Variants in PCDHGA5 observed in about 807,000 individuals in gnomAD.
PCDHGA5 encodes protocadherin gamma subfamily A, 5.
Under a neutral mutation model 56.7 loss-of-function variants are expected in PCDHGA5, and 36 were observed. The ratio of observed to expected loss-of-function variants is 0.64; its 90% CI spans 0.49 to 0.84. The LOEUF is 0.84. Ranked by LOEUF, PCDHGA5 falls within the 40% of genes least tolerant of loss-of-function variation. The probability of loss-of-function intolerance (pLI) is 0.00; values close to 1 mark genes in which losing one functional copy is unlikely to be tolerated. For synonymous variants in PCDHGA5, 563 were observed against 520.2 expected, an observed-to-expected ratio of 1.08 and a Z score of -1.12; for missense variants, 1,305 against 1,201.5, an observed-to-expected ratio of 1.09 and a Z score of -1.27.
intron 1 of PCDHGA5, chr5:141,383,196 T>C (rs7704696): frequency 0.066 from 106,221 of 1,613,864 alleles, 4,924 homozygotes; most frequent in African/African-American, 0.24. Context: ...GCGCTCAGAG[T>C]GCGCGGTGTC....
Position 141,477,393 on chromosome 5 carries a change from G to A in PCDHGA5, c.2422-17414G>A, listed in dbSNP as rs1397453429. On this transcript the variant is annotated intron_variant, in intron 1 of 3. Transcript: ENST00000518069. This position sits in a 1 kb window ranked among gnomAD's most constrained non-coding sequence, Gnocchi z 4.9. The stretch of plus-strand genomic sequence containing the variant: ...GAGACTGTGCCAGAATACAACCTCA[G>A]CATCACCGCCCGAGACGCCGGAACC... The A allele has an allele frequency of 5.6e-6, 9 of 1,614,098 alleles. No individual in the cohort carries two copies. Among genetic ancestry groups the A allele is most frequent in the Non-Finnish European group, 7.6e-6 (9 of 1,180,028 alleles).
chr5:141,390,358 G>A lies in PCDHGA5; in HGVS notation c.2421+23607G>A, dbSNP rs934109377. ...TATTCACAAGAAAATATACATATTT[G>A]CAGGAAAATATATAATTTTTAGATG... is the stretch of plus-strand genomic sequence containing the variant. On this transcript the variant is annotated intron_variant, in intron 1 of 3. Coordinates refer to ENST00000518069, the MANE Select transcript of PCDHGA5 (RefSeq NM_018918.3). The A allele has an allele frequency of 3.9e-6, 6 of 1,540,796 alleles. No homozygotes were observed. In the African/African-American group the frequency reaches 8.3e-5, roughly 21 times the overall value.
chr5:141,412,940 T>C, intron 1 of PCDHGA5: 1 of 463,218 alleles, frequency 2.2e-6, no homozygotes, highest in Non-Finnish European at 3.8e-6. Flanking sequence ...CTTAGGACTC[T>C]GAGCGCCGCT....
rs140916255 is a variant in PCDHGA5, at chr5:141,475,995, C to A, written c.2422-18812C>A. 2,057 of 1,172,604 alleles carry A rather than the reference C, an allele frequency of 1.8e-3. 30 individuals carry two copies. The African/African-American group carries it at 0.027, about 16-fold the overall frequency. 72.6% of individuals were successfully genotyped at this position (1,172,604 alleles called of 1,614,324 possible). ...ACTGAACAGCCGGCGAGCAAATCAA[C>A]GGCATCCAGAAAGCCATGTCGGACT... On this transcript the variant is annotated intron_variant, in intron 1 of 3. Coordinates refer to ENST00000518069, the MANE Select transcript of PCDHGA5 (RefSeq NM_018918.3).
chr5:141,397,974 C>A (rs1248429844), intron 1 of PCDHGA5: 3 of 1,174,340 alleles, frequency 2.6e-6, no homozygotes, highest in African/African-American at 1.6e-5. Flanking sequence ...TCCCCAGCGC[C>A]GGCCTTTACA....
rs146615755 is a variant in PCDHGA5 at position 141,486,022 on chromosome 5, T to C, written c.2422-8785T>C. The C allele has an allele frequency of 1.2e-6, 2 of 1,614,030 alleles. No homozygotes were observed. Among genetic ancestry groups the C allele is most frequent in the Non-Finnish European group, 1.7e-6 (2 of 1,180,036 alleles). Reference sequence around the variant, plus strand: ...GTAACGTCACCTTTTATTTCAGTGGTCATACCCCTGATCGTGTAAGAAACC... The same window carrying C: ...GTAACGTCACCTTTTATTTCAGTGGCCATACCCCTGATCGTGTAAGAAACC... On this transcript the variant is annotated intron_variant, in intron 1 of 3. Coordinates refer to ENST00000518069, the MANE Select transcript of PCDHGA5 (RefSeq NM_018918.3). The surrounding 1 kb of genome is among the most constrained non-coding windows in gnomAD (Gnocchi z 5.0).
At chr5:141,413,827 G>A (rs2154544774) in intron 1 of PCDHGA5, 1 of 1,613,200 alleles carries the variant, frequency 6.2e-7, no homozygotes. Context: ...GGTCCTCACC[G>A]CCTCCGACGG....
At position 141,511,520 on chromosome 5, in the gene PCDHGA5, A is replaced by C; in HGVS notation, c.*347A>C. On this transcript the variant is annotated 3_prime_UTR_variant, in exon 4 of 4. Coordinates refer to ENST00000518069, the MANE Select transcript of PCDHGA5 (RefSeq NM_018918.3). Reference sequence around the variant, plus strand: ...CAAATCAATCAGGCCCATCCATCCCATGCCTCCCTCCTCCCCACCCCACTC... The same window carrying C: ...CAAATCAATCAGGCCCATCCATCCCCTGCCTCCCTCCTCCCCACCCCACTC... The C allele has an allele frequency of 2.8e-6, 1 of 358,498 alleles. No homozygotes were observed. Among genetic ancestry groups the C allele is most frequent in the Non-Finnish European group, 5.3e-6 (1 of 189,848 alleles). 22.2% of individuals were successfully genotyped at this position (358,498 alleles called of 1,614,324 possible).
intron 1 of PCDHGA5, chr5:141,377,439 GA>G (rs1279056265): frequency 3.3e-5 from 5 of 151,486 alleles, no homozygotes; most frequent in Non-Finnish European, 2.9e-5. Flanking sequence ...CTACCAAAAA[GA>G]AAAAAAAGTA....
intron 1 of PCDHGA5, chr5:141,400,460 G>GTGAT (rs760132234): frequency 6.2e-7 from 1 of 1,613,938 alleles, no homozygotes. Context: ...ATACTTTGTG[G>GTGAT]TGATTCATCT....
intron 1 of PCDHGA5, among the ~76,000 whole-genome samples, chr5:141,473,873 C>CA (rs1471085914): frequency 2.6e-5 from 4 of 152,130 alleles, no homozygotes; most frequent in African/African-American, 7.2e-5. Flanking sequence ...GTGGAGAATG[C>CA]ATACACAAGG....
chr5:141,402,352 T>G (rs949706048), intron 1 of PCDHGA5, among the ~76,000 whole-genome samples: 1 of 151,978 alleles, frequency 6.6e-6, no homozygotes, highest in Non-Finnish European at 1.5e-5. Flanking sequence ...AAATTAAAAA[T>G]GAATGTACTT....
chr5:141,432,960 G>C lies in PCDHGA5; in HGVS notation c.2422-61847G>C. ...CAGGCTTCAGGAGGCGGCTTGACAG[G>C]AGCGCCGGCGTCGCACTTTGTGGGC... On this transcript the variant is annotated intron_variant, in intron 1 of 3. Transcript: ENST00000518069. This position sits in a 1 kb window ranked among gnomAD's most constrained non-coding sequence, Gnocchi z 6.0. The C allele has an allele frequency of 2.5e-6, 4 of 1,614,188 alleles. No homozygotes were observed. The highest frequency in any genetic ancestry group is 3.4e-6 in the Non-Finnish European group (4 of 1,180,034).
chr5:141,390,137 T>C lies in PCDHGA5; in HGVS notation c.2421+23386T>C, dbSNP rs373308909. The stretch of plus-strand genomic sequence containing the variant: ...AGGGGACTTTGCCTTATTCCTACAA[T>C]CTATGTGTTGCACATACAGGAAAGA... On this transcript the variant is annotated intron_variant, in intron 1 of 3. Coordinates refer to ENST00000518069, the MANE Select transcript of PCDHGA5 (RefSeq NM_018918.3). 3.1e-4 allele frequency: 506 copies of C among 1,614,052 alleles called. 2 individuals carry two copies. The African/African-American group carries it at 6.2e-3, about 20-fold the overall frequency.
chr5:141,393,586 G>A lies in PCDHGA5; in HGVS notation c.2421+26835G>A, dbSNP rs1486061309. 2 of 1,613,922 alleles carry A rather than the reference G, an allele frequency of 1.2e-6. No individual in the cohort carries two copies. Among genetic ancestry groups the A allele is most frequent in the Admixed American group, 3.3e-5 (2 of 60,028 alleles). ...AAAGTCCTTGAGAACATGCCCCCAGGCACGCGGCTGCTTACTGTAACAGCC... is the reference window on the plus strand; with the variant it reads ...AAAGTCCTTGAGAACATGCCCCCAGACACGCGGCTGCTTACTGTAACAGCC... On this transcript the variant is annotated intron_variant, in intron 1 of 3. Transcript: ENST00000518069.
chr5:141,479,636 CA>C (rs1397283180), intron 1 of PCDHGA5: 1 of 152,080 alleles, frequency 6.6e-6, no homozygotes, highest in African/African-American at 2.4e-5. Flanking sequence ...TTAACAATAA[CA>C]ACAACAACAA....
chr5:141,389,656 C>A (rs763730959), intron 1 of PCDHGA5: 18 of 1,612,420 alleles, frequency 1.1e-5, no homozygotes, highest in South Asian at 1.1e-5. Flanking sequence ...AAGGTAGTGG[C>A]GGTGGACGCA....
At chr5:141,417,993 C>T (rs753867006) in intron 1 of PCDHGA5, 11 of 1,613,830 alleles carry the variant, frequency 6.8e-6, no homozygotes, top group Non-Finnish European at 7.6e-6. Flanking sequence ...GCCAAGGGCT[C>T]GGTGGTGGGG....
intron 2 of PCDHGA5, among the ~76,000 whole-genome samples, chr5:141,498,618 G>A (rs191513899): frequency 1.3e-5 from 2 of 152,220 alleles, no homozygotes; most frequent in East Asian, 3.9e-4. Context: ...TCAGCACTGG[G>A]TCACACTGCC....
Sources: allele counts gnomAD v4.1 joint callset (sites outside exome capture counted in the v4.1 genomes callset), GRCh38; gene constraint gnomAD v4.1.1; non-coding constraint Gnocchi (gnomAD v3.1); transcripts MANE v1.5; gene names NCBI Gene and HGNC (gene_info 2026-07-23, HGNC 2026-07-21).